The following L3HYPDH variants were observed in gnomAD, a reference collection of about 807,000 sequenced individuals.
The protein encoded by L3HYPDH is trans-L-3-hydroxyproline dehydratase.
Under a neutral mutation model 26.5 loss-of-function variants are expected in L3HYPDH, and 32 were observed. That is an observed-to-expected ratio of 1.21 (90% CI 0.91 to 1.62). L3HYPDH has a LOEUF of 1.62. Ranked by LOEUF, L3HYPDH falls within the 40% of genes most tolerant of loss-of-function variation. The pLI, the probability that L3HYPDH is intolerant of heterozygous loss-of-function variation, is 0.00. For missense variants in L3HYPDH, 554 were observed against 476.4 expected (o/e 1.16, Z -1.52); for synonymous variants, 215 against 196.6 (o/e 1.09, Z -0.78).
chr14:59,472,100 C>G (rs1180825710), downstream of L3HYPDH, among the ~76,000 whole-genome samples: 3 of 152,210 alleles, frequency 2.0e-5, no homozygotes, highest in African/African-American at 7.2e-5. Flanking sequence ...CTACTGAATT[C>G]TCAGGGAGCG....
the L3HYPDH span, chr14:59,495,202 A>G: frequency 1.2e-6 from 2 of 1,611,964 alleles, no homozygotes; most frequent in East Asian, 2.2e-5. Flanking sequence ...AGTACACTGT[A>G]CTCATGAAGC....
chr14:59,488,354 A>G (rs1280249226), upstream of L3HYPDH, among the ~76,000 whole-genome samples: 1 of 152,216 alleles, frequency 6.6e-6, no homozygotes, highest in Non-Finnish European at 1.5e-5. Flanking sequence ...AAGTGTGTAC[A>G]TAATTATAAA....
rs759343232 is a variant in L3HYPDH at position 59,483,957 on chromosome 14, A to C, written c.360T>G (p.Leu120=). 5 of 1,563,894 alleles carry C rather than the reference A, an allele frequency of 3.2e-6. No homozygotes were observed. The highest frequency in any genetic ancestry group is 8.6e-7 in the Non-Finnish European group (1 of 1,160,488). ...ALGRFALDFG[L]VPAPPAGTRE... The stretch of plus-strand genomic sequence containing the variant: ...GGGTGCCCGCAGGGGGCGCCGGCAC[A>C]AGCCCGAAGTCCAAAGCGAAGCGGC... Residue 120 remains leucine, a synonymous_variant, in exon 1 of 5, where the codon CTT becomes CTG. Coordinates refer to ENST00000247194, the MANE Select transcript of L3HYPDH (RefSeq NM_144581.2).
chr14:59,498,602 TATCCAATGGA>T, the L3HYPDH span: 1 of 550,832 alleles, frequency 1.8e-6, no homozygotes, highest in Admixed American at 3.7e-5. Flanking sequence ...CCAATCTGAA[TATCCAATGGA>T]TAGAGTAAAT....
the L3HYPDH span, among the ~76,000 whole-genome samples, chr14:59,502,764 T>TCTTTG: frequency 3.1e-5 from 4 of 130,504 alleles, no homozygotes; most frequent in Non-Finnish European, 6.3e-5. Flanking sequence ...TTTTTTTTTT[T>TCTTTG]TTTTTTTTTC....
rs563289902 is a variant in L3HYPDH at position 59,484,296 on chromosome 14, C to A, written c.21G>T (p.Val7=). 1 of 1,590,944 alleles carries A rather than the reference C, an allele frequency of 6.3e-7. No homozygotes were observed. Among genetic ancestry groups the A allele is most frequent in the Non-Finnish European group, 8.5e-7 (1 of 1,175,992 alleles). The change falls in exon 1 of 5, where the codon GTG becomes GTT. Residue 7 remains valine, a synonymous_variant. Coordinates refer to ENST00000247194, the MANE Select transcript of L3HYPDH (RefSeq NM_144581.2). ...CTGGATCATGCGGGGGCAGCCGGGG[C>A]ACCGCCAGCGCGCTCTCCATGGTCT... MESALA[V]PRLPPHDPGT...
chr14:59,475,806 C>A (rs1360419301), intron 4 of L3HYPDH, 63 bp downstream of exon 4: 15 of 1,484,660 alleles, frequency 1.0e-5, no homozygotes, highest in Non-Finnish European at 1.4e-5. Flanking sequence ...AAACACCCAA[C>A]TCAGGCCTCT....
At chr14:59,471,486 C>T (rs1179954397), downstream of L3HYPDH, among the ~76,000 whole-genome samples, 1 of 152,106 alleles carries the variant, frequency 6.6e-6, no homozygotes, top group Non-Finnish European at 1.5e-5. Flanking sequence ...GGAATAGTTT[C>T]CCCTGGTGGA....
chr14:59,477,440 T>A (rs909583044), intron 2 of L3HYPDH, among the ~76,000 whole-genome samples: 2 of 152,228 alleles, frequency 1.3e-5, no homozygotes, highest in Non-Finnish European at 2.9e-5. Context: ...ATAACAGAAC[T>A]TGTCCTCATT....
the L3HYPDH span, chr14:59,495,219 C>T: frequency 1.9e-6 from 3 of 1,600,718 alleles, no homozygotes; most frequent in Non-Finnish European, 2.6e-6. Context: ...AAGCCGTCTA[C>T]CCACTGTAAG....
the L3HYPDH span, among the ~76,000 whole-genome samples, chr14:59,493,656 A>G: frequency 1.3e-5 from 2 of 152,242 alleles, no homozygotes; most frequent in South Asian, 4.1e-4. Flanking sequence ...CCTATATTCC[A>G]TGTACAGTAC....
chr14:59,466,981 C>G (rs1452709718), intron 1 of L3HYPDH, among the ~76,000 whole-genome samples: 1 of 152,078 alleles, frequency 6.6e-6, no homozygotes, highest in Non-Finnish European at 1.5e-5. Flanking sequence ...TTTTGTCAAT[C>G]AAAGCAAAAA....
chr14:59,496,768 T>C, the L3HYPDH span, among the ~76,000 whole-genome samples: 1 of 152,236 alleles, frequency 6.6e-6, no homozygotes, highest in Non-Finnish European at 1.5e-5. Flanking sequence ...CAAGATTGTT[T>C]GTTTTTCTTC....
chr14:59,486,410 A>G (rs1456472706), upstream of L3HYPDH, among the ~76,000 whole-genome samples: 2 of 152,222 alleles, frequency 1.3e-5, no homozygotes, highest in Non-Finnish European at 2.9e-5. Flanking sequence ...ATAATCAGTT[A>G]AACTCAGAAG....
chr14:59,470,182 AGAG>A (rs745531065), downstream of L3HYPDH, among the ~76,000 whole-genome samples: 5 of 152,152 alleles, frequency 3.3e-5, no homozygotes, highest in Admixed American at 6.5e-5. Flanking sequence ...TTCAGAGCTT[AGAG>A]GAGAAGTTGC....
the L3HYPDH span, among the ~76,000 whole-genome samples, chr14:59,493,683 C>T: frequency 6.6e-6 from 1 of 152,110 alleles, no homozygotes; most frequent in Non-Finnish European, 1.5e-5. Context: ...TGTGACATAG[C>T]TCAGACCATT....
the L3HYPDH span, chr14:59,499,026 T>C: frequency 1.4e-5 from 7 of 485,454 alleles, no homozygotes; most frequent in Non-Finnish European, 2.3e-5. Flanking sequence ...TTTTTTTTTT[T>C]TTTTTTTTTT....
intron 1 of L3HYPDH, among the ~76,000 whole-genome samples, chr14:59,480,495 A>G (rs543812349): frequency 3.6e-4 from 55 of 152,360 alleles, no homozygotes; most frequent in African/African-American, 1.1e-3. Context: ...TTGCTCACAC[A>G]TATCAGGAAA....
the L3HYPDH span, among the ~76,000 whole-genome samples, chr14:59,500,308 T>G: frequency 1.3e-5 from 2 of 152,228 alleles, no homozygotes; most frequent in African/African-American, 4.8e-5. Flanking sequence ...CATTTGAAAT[T>G]GTTCCAAATG....
Sources: allele counts gnomAD v4.1 joint callset (sites outside exome capture counted in the v4.1 genomes callset), GRCh38; gene constraint gnomAD v4.1.1; transcripts MANE v1.5; gene names NCBI Gene and HGNC (gene_info 2026-07-23, HGNC 2026-07-21).